The following GRID1 variants were observed in gnomAD, a reference collection of about 807,000 sequenced individuals.
GRID1 encodes the protein glutamate receptor ionotropic, delta-1.
In GRID1, 28 loss-of-function variants were observed where a neutral mutation model predicts 98.0. The ratio of observed to expected loss-of-function variants is 0.29; its 90% CI spans 0.21 to 0.39. The LOEUF is 0.39. Ranked by LOEUF, GRID1 falls within the 10% of genes least tolerant of loss-of-function variation. GRID1 has a pLI of 1.00. For missense variants in GRID1, 1,111 were observed against 1,340.5 expected, an observed-to-expected ratio of 0.83 and a Z score of 2.67; for synonymous variants, 553 against 538.5, an observed-to-expected ratio of 1.03 and a Z score of -0.37.
chr10:85,737,795 T>C (rs1433758262), intron 8 of GRID1, among the ~76,000 whole-genome samples: 1 of 150,072 alleles, frequency 6.7e-6, no homozygotes, highest in African/African-American at 2.4e-5. Context: ...TACATATATA[T>C]AAAGTTAGCC....
chr10:85,612,429 G>A (rs1372099793), intron 15 of GRID1, among the ~76,000 whole-genome samples: 2 of 152,160 alleles, frequency 1.3e-5, no homozygotes, highest in Non-Finnish European at 2.9e-5. Context: ...TGTACTATCT[G>A]AGCCTCCAGT....
chr10:85,655,450 A>T (rs1327319914), intron 12 of GRID1, among the ~76,000 whole-genome samples: 1 of 152,250 alleles, frequency 6.6e-6, no homozygotes, highest in Non-Finnish European at 1.5e-5. Context: ...ACAGTCTGAC[A>T]GACATTAGGA....
chr10:86,360,478 T>A (rs1368604476), intron 2 of GRID1, among the ~76,000 whole-genome samples: 1 of 152,252 alleles, frequency 6.6e-6, no homozygotes, highest in African/African-American at 2.4e-5. Flanking sequence ...TATTAATACA[T>A]GCTCATTGCA....
chr10:86,364,604 G>A (rs1339541226), intron 1 of GRID1, among the ~76,000 whole-genome samples: 1 of 152,230 alleles, frequency 6.6e-6, no homozygotes, highest in Non-Finnish European at 1.5e-5. Flanking sequence ...CAGGTCTACA[G>A]TTGGCTTTCC....
intron 3 of GRID1, among the ~76,000 whole-genome samples, chr10:86,200,636 T>TA (rs1181407599): frequency 6.6e-6 from 1 of 152,054 alleles, no homozygotes; most frequent in Non-Finnish European, 1.5e-5. Context: ...GAGCTAGCCA[T>TA]AAAAAAAGAT....
In GRID1 at chr10:85,647,415, A is replaced by T; in HGVS notation, c.1998-18T>A. The stretch of plus-strand genomic sequence containing the variant: ...GGAAAGTCCTGAAATGCAGAAAGGC[A>T]GCGAGGCATGAGTACATGCTGTGCA... On this transcript the variant is annotated intron_variant, in intron 12 of 15. Coordinates refer to ENST00000327946, the MANE Select transcript of GRID1 (RefSeq NM_017551.3). 1 of 1,603,866 alleles carries T rather than the reference A, an allele frequency of 6.2e-7. No homozygotes were observed. Among genetic ancestry groups the T allele is most frequent in the South Asian group, 1.1e-5 (1 of 90,700 alleles).
At chr10:85,706,395 C>T (rs1239001760) in intron 12 of GRID1, among the ~76,000 whole-genome samples, 5 of 152,254 alleles carry the variant, frequency 3.3e-5, no homozygotes, top group East Asian at 1.9e-4. Context: ...CCTAGGAATC[C>T]AACTTACAAG....
At chr10:86,097,718 C>T (rs1222139933) in intron 4 of GRID1, among the ~76,000 whole-genome samples, 1 of 152,158 alleles carries the variant, frequency 6.6e-6, no homozygotes, top group East Asian at 1.9e-4. Flanking sequence ...AACTATATGA[C>T]ACCATGTATG....
intron 13 of GRID1, among the ~76,000 whole-genome samples, chr10:85,645,137 G>A (rs890143352): frequency 2.0e-5 from 3 of 151,772 alleles, no homozygotes; most frequent in Non-Finnish European, 4.4e-5. Flanking sequence ...CTTTAACAAA[G>A]TCAAAAGTAG....
At chr10:86,252,365 G>A (rs1343966953) in intron 2 of GRID1, among the ~76,000 whole-genome samples, 1 of 152,184 alleles carries the variant, frequency 6.6e-6, no homozygotes, top group African/African-American at 2.4e-5. Flanking sequence ...GGACTCCCCA[G>A]GCAGTTCATG....
At chr10:85,646,117 T>TGC (rs1318151190) in intron 13 of GRID1, 1 of 152,816 alleles carries the variant, frequency 6.5e-6, no homozygotes, top group Non-Finnish European at 1.4e-5. Flanking sequence ...GATGAGTGTG[T>TGC]GTGTGTGTGT....
At chr10:85,927,363 G>T (rs1295265394) in intron 4 of GRID1, among the ~76,000 whole-genome samples, 1 of 152,204 alleles carries the variant, frequency 6.6e-6, no homozygotes, top group African/African-American at 2.4e-5. Flanking sequence ...GTGGCATGAG[G>T]CATGAGTTAT....
At chr10:86,137,362 C>T (rs567796410) in intron 4 of GRID1, among the ~76,000 whole-genome samples, 2 of 152,162 alleles carry the variant, frequency 1.3e-5, no homozygotes, top group African/African-American at 4.8e-5. Flanking sequence ...AGTCAAGGAG[C>T]TGGGACTTGC....
chr10:86,295,041 C>G (rs1847567942), intron 2 of GRID1, among the ~76,000 whole-genome samples: 2 of 152,194 alleles, frequency 1.3e-5, no homozygotes, highest in South Asian at 4.1e-4. Flanking sequence ...CTCATTGGAG[C>G]AGCTCTGAGA....
intron 12 of GRID1, among the ~76,000 whole-genome samples, chr10:85,669,251 T>C (rs1395581671): frequency 6.6e-6 from 1 of 152,162 alleles, no homozygotes; most frequent in Non-Finnish European, 1.5e-5. Context: ...GGGTGGAGGA[T>C]GATGGGAGTT....
intron 3 of GRID1, among the ~76,000 whole-genome samples, chr10:86,204,369 G>C (rs1221638211): frequency 6.6e-6 from 1 of 152,224 alleles, no homozygotes; most frequent in African/African-American, 2.4e-5. Flanking sequence ...GGACTTCACT[G>C]CATCACCAGG....
chr10:85,681,738 C>T (rs1841211407), intron 12 of GRID1, among the ~76,000 whole-genome samples: 1 of 152,180 alleles, frequency 6.6e-6, no homozygotes, highest in Admixed American at 6.5e-5. Context: ...GTTCTGCTGG[C>T]ATTTCCGCAT....
chr10:85,914,896 A>AG (rs1194458631), intron 5 of GRID1, among the ~76,000 whole-genome samples: 1 of 152,202 alleles, frequency 6.6e-6, no homozygotes, highest in Non-Finnish European at 1.5e-5. Context: ...TAGTGAATAT[A>AG]GTGCACTGAG....
At chr10:85,955,016 A>G (rs890542351) in intron 4 of GRID1, among the ~76,000 whole-genome samples, 11 of 152,224 alleles carry the variant, frequency 7.2e-5, no homozygotes, top group African/African-American at 2.7e-4. Flanking sequence ...TATACAAAAA[A>G]TACAAAAATA....
Sources: allele counts gnomAD v4.1 joint callset (sites outside exome capture counted in the v4.1 genomes callset), GRCh38; gene constraint gnomAD v4.1.1; transcripts MANE v1.5; gene names NCBI Gene and HGNC (gene_info 2026-07-23, HGNC 2026-07-21).